SLC25A48: variants seen among roughly 807,000 people sequenced by gnomAD.
SLC25A48 encodes solute carrier family 25 member 48.
Under a neutral mutation model 32.2 loss-of-function variants are expected in SLC25A48, and 29 were observed. The ratio of observed to expected loss-of-function variants is 0.90; its 90% confidence interval spans 0.67 to 1.23. The LOEUF (loss-of-function observed/expected upper bound fraction) is 1.23, where lower values mean the gene tolerates loss of function less well. SLC25A48 is among the 50% of genes most tolerant of loss of function. The pLI is 0.00. For missense variants in SLC25A48, 399 were observed against 422.7 expected, an observed-to-expected ratio of 0.94 and a Z score of 0.49; for synonymous variants, 164 against 172.3, an observed-to-expected ratio of 0.95 and a Z score of 0.38.
At chr5:135,654,030 C>G (rs1753182642) in intron 3 of SLC25A48, 1 of 409,462 alleles carries the variant, frequency 2.4e-6, no homozygotes, top group Non-Finnish European at 4.9e-6. Context: ...CAGTGGCAGC[C>G]AGAGAGCCAC....
At chr5:135,649,902 T>G (rs1337769770) in intron 3 of SLC25A48, 2 of 168,972 alleles carry the variant, frequency 1.2e-5, no homozygotes, top group Admixed American at 5.5e-5. Flanking sequence ...ACAGCACCCA[T>G]GCAGCAAAAT....
At chr5:135,684,270 T>C (rs1260782856) in intron 3 of SLC25A48, among the ~76,000 whole-genome samples, 1 of 152,166 alleles carries the variant, frequency 6.6e-6, no homozygotes, top group Non-Finnish European at 1.5e-5. Flanking sequence ...GGTATGTCAG[T>C]GTGCAATTCT....
intron 1 of SLC25A48, among the ~76,000 whole-genome samples, chr5:135,582,389 G>A (rs1193778278): frequency 6.6e-6 from 1 of 152,146 alleles, no homozygotes; most frequent in Non-Finnish European, 1.5e-5. Flanking sequence ...GCAGAGGTCA[G>A]TGTCCTGGAG....
intron 5 of SLC25A48, among the ~76,000 whole-genome samples, chr5:135,873,054 A>C (rs191684216): frequency 3.4e-4 from 52 of 152,182 alleles, no homozygotes; most frequent in African/African-American, 1.3e-3. Context: ...GCCCTCACCC[A>C]TGGGCTGAGG....
chr5:135,709,638 G>A (rs552480149), intron 3 of SLC25A48, among the ~76,000 whole-genome samples: 65 of 152,234 alleles, frequency 4.3e-4, no homozygotes, highest in African/African-American at 1.5e-3. Flanking sequence ...TAAAGGGCAG[G>A]GTTATTGGAG....
chr5:135,678,420 C>T (rs1753818793), intron 3 of SLC25A48, among the ~76,000 whole-genome samples: 2 of 152,234 alleles, frequency 1.3e-5, no homozygotes, highest in South Asian at 4.1e-4. Context: ...TTCTCATTCA[C>T]ATCTTGAGTT....
At chr5:135,865,267 C>T (rs995415158) in intron 4 of SLC25A48, among the ~76,000 whole-genome samples, 8 of 152,150 alleles carry the variant, frequency 5.3e-5, no homozygotes, top group African/African-American at 1.7e-4. Context: ...GGGCCTCTCA[C>T]GTCATGAGGA....
chr5:135,604,201 T>G (rs1242363228), intron 1 of SLC25A48, among the ~76,000 whole-genome samples: 1 of 152,180 alleles, frequency 6.6e-6, no homozygotes, highest in Non-Finnish European at 1.5e-5. Flanking sequence ...ATCTGTTCTT[T>G]CCATCCTTGT....
intron 3 of SLC25A48, among the ~76,000 whole-genome samples, chr5:135,701,012 A>G (rs948548873): frequency 2.0e-5 from 3 of 152,160 alleles, no homozygotes; most frequent in Admixed American, 6.5e-5. Flanking sequence ...CATCCTGCCT[A>G]TAGATCTGGC....
intron 3 of SLC25A48, among the ~76,000 whole-genome samples, chr5:135,642,360 G>C (rs1373702440): frequency 6.6e-6 from 1 of 152,216 alleles, no homozygotes; most frequent in African/African-American, 2.4e-5. Flanking sequence ...CTCTGGGAAG[G>C]AGCCCTTTGG....
intron 3 of SLC25A48, among the ~76,000 whole-genome samples, chr5:135,717,516 T>C (rs1211245979): frequency 6.6e-6 from 1 of 152,230 alleles, no homozygotes; most frequent in Admixed American, 6.5e-5. Flanking sequence ...TCTTTGCAGA[T>C]GTAATTAGTT....
chr5:135,786,333 A>ACACCG (rs1756848778), intron 3 of SLC25A48, among the ~76,000 whole-genome samples: 1 of 152,108 alleles, frequency 6.6e-6, no homozygotes, highest in African/African-American at 2.4e-5. Flanking sequence ...TGTGTACACC[A>ACACCG]TGTGTGTACA....
intron 4 of SLC25A48, among the ~76,000 whole-genome samples, chr5:135,820,395 T>A (rs1757853769): frequency 1.3e-5 from 2 of 152,200 alleles, no homozygotes; most frequent in South Asian, 4.1e-4. Flanking sequence ...TGCTTGGAGT[T>A]GGGAAGCAAG....
intron 2 of SLC25A48, among the ~76,000 whole-genome samples, chr5:135,845,392 G>T (rs1759324809): frequency 1.3e-5 from 2 of 152,356 alleles, no homozygotes; most frequent in South Asian, 4.1e-4. Context: ...TCTGCACTCT[G>T]CCCTGAAGCT....
At chr5:135,858,684 T>C (rs10072808) in intron 4 of SLC25A48, among the ~76,000 whole-genome samples, 5,303 of 152,324 alleles carry the variant, frequency 0.035, 292 homozygotes, top group African/African-American at 0.12. Flanking sequence ...CCAGGATTTG[T>C]AGAAGCTGAG....
At position 135,693,860 on chromosome 5, in the gene SLC25A48, G is replaced by A. The variant is rs116455381; in HGVS notation, c.-521+58904G>A. Among the ~76,000 whole-genome samples the A allele has an allele frequency of 4.0e-3, 608 of 152,354 alleles. 5 individuals are homozygous for A. Among genetic ancestry groups the A allele is most frequent in the African/African-American group, 0.013 (556 of 41,578 alleles). On this transcript the variant is annotated intron_variant, in intron 3 of 10. Transcript: ENST00000646290. ...TCCCTGCCCCTCACAGTGCGAAGGC[G>A]TGTGGGGCGATGGGCCTCCCCAGCC... is the stretch of plus-strand genomic sequence containing the variant.
At chr5:135,756,406 C>T (rs947334094) in intron 3 of SLC25A48, among the ~76,000 whole-genome samples, 6 of 151,844 alleles carry the variant, frequency 4.0e-5, no homozygotes, top group Non-Finnish European at 5.9e-5. Flanking sequence ...AAATATCGAC[C>T]TTGTGTGGTG....
At chr5:135,742,063 T>A (rs1373795430) in intron 3 of SLC25A48, among the ~76,000 whole-genome samples, 2 of 152,166 alleles carry the variant, frequency 1.3e-5, no homozygotes, top group East Asian at 3.9e-4. Context: ...AGGAATCAGT[T>A]TTTTTAATTA....
At chr5:135,867,282 G>A (rs924607177) in intron 4 of SLC25A48, among the ~76,000 whole-genome samples, 3 of 152,078 alleles carry the variant, frequency 2.0e-5, no homozygotes, top group African/African-American at 7.2e-5. Context: ...GTCCTGATCC[G>A]GCACCTCGTA....
Sources: gnomAD v4.1 joint callset for allele counts (sites outside exome capture counted in the v4.1 genomes callset) on GRCh38, gnomAD v4.1.1 for gene constraint, MANE v1.5 for transcripts, NCBI Gene and HGNC (gene_info 2026-07-23, HGNC 2026-07-21) for gene names.